The following EYA1 variants were observed in gnomAD, a reference collection of about 807,000 sequenced individuals.
EYA1 encodes the protein EYA transcriptional coactivator and phosphatase 1, also known as protein phosphatase EYA1.
A neutral mutation model predicts 82.0 loss-of-function variants in EYA1; 16 were observed. The ratio of observed to expected loss-of-function variants is 0.20; its 90% CI spans 0.13 to 0.30. The LOEUF is 0.30. Ranked by LOEUF, EYA1 falls within the 10% of genes least tolerant of loss-of-function variation. The pLI is 1.00. For missense variants in EYA1, 633 were observed against 730.7 expected, an observed-to-expected ratio of 0.87 and a Z score of 1.54; for synonymous variants, 261 against 264.4, an observed-to-expected ratio of 0.99 and a Z score of 0.12.
intron 2 of EYA1, among the ~76,000 whole-genome samples, chr8:71,388,314 G>A (rs1422943259): frequency 1.3e-5 from 2 of 152,180 alleles, no homozygotes; most frequent in Non-Finnish European, 2.9e-5. Flanking sequence ...ATTATGACCA[G>A]TAATTGTTAT....
intron 2 of EYA1, among the ~76,000 whole-genome samples, chr8:71,424,636 C>G (rs1373158869): frequency 3.3e-5 from 5 of 152,206 alleles, no homozygotes; most frequent in Non-Finnish European, 2.9e-5. Context: ...GTCACCTTAT[C>G]TGCCCAGCTG....
chr8:71,355,415 A>C (rs1202081315), intron 2 of EYA1, among the ~76,000 whole-genome samples: 2 of 152,232 alleles, frequency 1.3e-5, no homozygotes, highest in Admixed American at 6.5e-5. Flanking sequence ...GGGTCTCCAA[A>C]CCAAATAAAA....
At chr8:71,242,286 G>A (rs1199874209) in intron 12 of EYA1, among the ~76,000 whole-genome samples, 1 of 152,104 alleles carries the variant, frequency 6.6e-6, no homozygotes, top group Non-Finnish European at 1.5e-5. Flanking sequence ...TCTAGGGCAA[G>A]TAAACAATTT....
At chr8:71,261,706 G>A (rs2128932669) in intron 11 of EYA1, among the ~76,000 whole-genome samples, 1 of 152,250 alleles carries the variant, frequency 6.6e-6, no homozygotes, top group East Asian at 1.9e-4. Context: ...CCAAGAAGTG[G>A]TACAAAGAGG....
At chr8:71,511,078 T>C (rs1010749088) in intron 2 of EYA1, among the ~76,000 whole-genome samples, 1 of 151,866 alleles carries the variant, frequency 6.6e-6, no homozygotes, top group Non-Finnish European at 1.5e-5. Flanking sequence ...ACTGTAAGAG[T>C]CTCCTAAAAA....
At chr8:71,308,667 C>A (rs932727456) in intron 7 of EYA1, among the ~76,000 whole-genome samples, 5 of 150,784 alleles carry the variant, frequency 3.3e-5, no homozygotes, top group African/African-American at 1.2e-4. Context: ...TATGATTTAA[C>A]CTGGATAATA....
chr8:71,546,855 C>G (rs886702821), intron 1 of EYA1, among the ~76,000 whole-genome samples: 2 of 152,138 alleles, frequency 1.3e-5, no homozygotes, highest in Non-Finnish European at 2.9e-5. Flanking sequence ...ATTTCAGTCA[C>G]TCTCCCACTG....
intron 1 of EYA1, among the ~76,000 whole-genome samples, chr8:71,542,959 T>C (rs1815263912): frequency 6.6e-6 from 1 of 152,200 alleles, no homozygotes; most frequent in Non-Finnish European, 1.5e-5. Context: ...ATTAGACTTT[T>C]GTCAGATTCA....
At chr8:71,233,352 C>T (rs1034740366) in intron 12 of EYA1, among the ~76,000 whole-genome samples, 1 of 152,040 alleles carries the variant, frequency 6.6e-6, no homozygotes, top group African/African-American at 2.4e-5. Context: ...ATCACGAGGT[C>T]AGGAGATCGA....
intron 2 of EYA1, among the ~76,000 whole-genome samples, chr8:71,454,034 T>C (rs1482443718): frequency 6.6e-6 from 1 of 151,982 alleles, no homozygotes; most frequent in African/African-American, 2.4e-5. Flanking sequence ...CCATCTCACA[T>C]GCAGAGACAC....
At chr8:71,316,373 T>C (rs539531519) in intron 7 of EYA1, among the ~76,000 whole-genome samples, 2 of 152,226 alleles carry the variant, frequency 1.3e-5, no homozygotes, top group South Asian at 4.1e-4. Flanking sequence ...ATAAGATATA[T>C]CTATTTAGGG....
At chr8:71,441,686 T>A (rs1474659782) in intron 2 of EYA1, among the ~76,000 whole-genome samples, 1 of 152,228 alleles carries the variant, frequency 6.6e-6, no homozygotes, top group African/African-American at 2.4e-5. Flanking sequence ...CATTTGTTCA[T>A]ATCCCTGTTT....
intron 11 of EYA1, among the ~76,000 whole-genome samples, chr8:71,259,950 T>C (rs1814898206): frequency 6.6e-6 from 1 of 152,212 alleles, no homozygotes; most frequent in Non-Finnish European, 1.5e-5. Flanking sequence ...AGTATTACAT[T>C]AGATCTGATG....
At chr8:71,540,143 T>C (rs1412533827) in intron 1 of EYA1, among the ~76,000 whole-genome samples, 1 of 151,924 alleles carries the variant, frequency 6.6e-6, no homozygotes, top group Non-Finnish European at 1.5e-5. Context: ...AAAAAATCTA[T>C]TCTGTGCATT....
chr8:71,544,218 T>A (rs7844424), intron 1 of EYA1, among the ~76,000 whole-genome samples: 3,415 of 152,158 alleles, frequency 0.022, 133 homozygotes, highest in African/African-American at 0.078. Flanking sequence ...CTCAATACTA[T>A]GAGAAAAGAG....
At chr8:71,257,566 G>A (rs1814591107) in intron 11 of EYA1, among the ~76,000 whole-genome samples, 1 of 152,194 alleles carries the variant, frequency 6.6e-6, no homozygotes, top group Non-Finnish European at 1.5e-5. Context: ...AAAAGAAGGT[G>A]CTAGGGCATA....
intron 16 of EYA1, among the ~76,000 whole-genome samples, chr8:71,212,219 T>C (rs1808602643): frequency 6.6e-6 from 1 of 152,240 alleles, no homozygotes; most frequent in Non-Finnish European, 1.5e-5. Flanking sequence ...ACAAATTGCT[T>C]GTTTGCTTAA....
intron 11 of EYA1, among the ~76,000 whole-genome samples, chr8:71,267,781 C>A (rs1012239037): frequency 3.9e-5 from 6 of 152,142 alleles, no homozygotes; most frequent in Non-Finnish European, 8.8e-5. Flanking sequence ...ATCTCCTGAC[C>A]TCGTGATCCA....
chr8:71,370,965 C>G (rs545499566), intron 2 of EYA1, among the ~76,000 whole-genome samples: 1 of 152,218 alleles, frequency 6.6e-6, no homozygotes, highest in South Asian at 2.1e-4. Context: ...CTAAACCATG[C>G]AGACCATTAG....
Sources: gnomAD v4.1 joint callset for allele counts (sites outside exome capture counted in the v4.1 genomes callset) on GRCh38, gnomAD v4.1.1 for gene constraint, MANE v1.5 for transcripts, NCBI Gene and HGNC (gene_info 2026-07-23, HGNC 2026-07-21) for gene names.